The following PLXNA4 variants were observed in gnomAD, a reference collection of about 807,000 sequenced individuals.
PLXNA4 encodes the protein plexin-A4.
In PLXNA4, 44 loss-of-function variants were observed where a neutral mutation model predicts 191.8. The ratio of observed to expected loss-of-function variants is 0.23; its 90% CI spans 0.18 to 0.29. PLXNA4 has a LOEUF of 0.29. Ranked by LOEUF, PLXNA4 falls within the 10% of genes least tolerant of loss-of-function variation. The pLI is 1.00. For synonymous variants in PLXNA4, 1,082 were observed against 1,009.5 expected (o/e 1.07, Z -1.36); for missense variants, 1,800 against 2,488.8 (o/e 0.72, Z 5.89).
chr7:132,132,991 T>C, intron 31 of PLXNA4, 58 bp downstream of exon 31: 1 of 1,578,256 alleles, frequency 6.3e-7, no homozygotes. Context: ...GCATGCAGGG[T>C]TGTCTTCATT....
intron 1 of PLXNA4, among the ~76,000 whole-genome samples, chr7:132,559,926 A>G (rs781017015): frequency 1.4e-4 from 22 of 152,322 alleles, no homozygotes; most frequent in Non-Finnish European, 2.8e-4. Flanking sequence ...CAAAGATATG[A>G]GAAACAGGGG....
intron 4 of PLXNA4, chr7:132,266,347 T>C (rs1352724411): frequency 6.6e-6 from 1 of 152,246 alleles, no homozygotes; most frequent in Non-Finnish European, 1.5e-5. Context: ...TGGTGTCTTT[T>C]GATTAAACAT....
In PLXNA4 at chr7:132,523,785, C is replaced by T. The variant is rs114317832; in HGVS notation, c.-86-15006G>A. Among the ~76,000 whole-genome samples the T allele has an allele frequency of 6.8e-3, 1,027 of 151,632 alleles. 12 individuals carry two copies. The highest frequency in any genetic ancestry group is 0.024 in the African/African-American group (973 of 41,180). ...GCTGGTGATGTGGAAACAAGGGGGG[C>T]GGAAGAGAGGGACTTAGTCACACCT... On this transcript the variant is annotated intron_variant, in intron 1 of 31. Coordinates refer to ENST00000321063, the MANE Select transcript of PLXNA4 (RefSeq NM_020911.2).
chr7:132,470,353 A>C (rs1796888464), intron 3 of PLXNA4, among the ~76,000 whole-genome samples: 1 of 152,184 alleles, frequency 6.6e-6, no homozygotes, highest in South Asian at 2.1e-4. Context: ...TGGGATTGTC[A>C]GTCTTTGTAA....
intron 3 of PLXNA4, among the ~76,000 whole-genome samples, chr7:132,299,858 G>C (rs905273536): frequency 6.6e-6 from 1 of 152,174 alleles, no homozygotes; most frequent in African/African-American, 2.4e-5. Context: ...GGGACTCATG[G>C]TAGAAAGAAG....
chr7:132,641,552 C>G (rs1803743566), intron 2 of PLXNA4, among the ~76,000 whole-genome samples: 1 of 152,110 alleles, frequency 6.6e-6, no homozygotes, highest in African/African-American at 2.4e-5. Flanking sequence ...CAACATGTGA[C>G]TTTAAGGGGG....
intron 4 of PLXNA4, among the ~76,000 whole-genome samples, chr7:132,250,310 C>T (rs1470030559): frequency 6.6e-6 from 1 of 152,204 alleles, no homozygotes; most frequent in African/African-American, 2.4e-5. Context: ...ATACCTAGTA[C>T]TCAGCTCATG....
chr7:132,232,687 C>A (rs1050505841), intron 5 of PLXNA4, among the ~76,000 whole-genome samples: 3 of 152,172 alleles, frequency 2.0e-5, no homozygotes, highest in African/African-American at 7.2e-5. Context: ...TCCCCTAAGC[C>A]TGAACTTTCA....
chr7:132,587,142 G>C (rs532754168), intron 2 of PLXNA4, among the ~76,000 whole-genome samples: 39 of 152,270 alleles, frequency 2.6e-4, no homozygotes, highest in Admixed American at 2.0e-3. Context: ...TGATAAGTTT[G>C]AGCACATTCA....
At chr7:132,414,420 G>A (rs560650629) in intron 3 of PLXNA4, among the ~76,000 whole-genome samples, 121 of 152,184 alleles carry the variant, frequency 8.0e-4, no homozygotes, top group African/African-American at 2.4e-3. Flanking sequence ...AAAGACTTCC[G>A]GAGGGGAAAA....
At chr7:132,223,483 C>T (rs1272564816) in intron 9 of PLXNA4, 44 bp downstream of exon 9, 3 of 1,478,366 alleles carry the variant, frequency 2.0e-6, no homozygotes, top group Admixed American at 1.8e-5. Context: ...GTGTCCCATG[C>T]TCACAACAAG....
intron 3 of PLXNA4, among the ~76,000 whole-genome samples, chr7:132,303,804 C>T (rs1801407260): frequency 6.6e-6 from 1 of 152,150 alleles, no homozygotes; most frequent in African/African-American, 2.4e-5. Context: ...AGGCCTGTCT[C>T]CTGGAGGGCT....
intron 8 of PLXNA4, among the ~76,000 whole-genome samples, chr7:132,224,926 G>A (rs1223461867): frequency 6.6e-6 from 1 of 152,206 alleles, no homozygotes; most frequent in Non-Finnish European, 1.5e-5. Context: ...CAAAACAGGA[G>A]TATGTTAAAA....
At chr7:132,570,436 C>T (rs993169372) in intron 1 of PLXNA4, among the ~76,000 whole-genome samples, 1 of 152,206 alleles carries the variant, frequency 6.6e-6, no homozygotes, top group Admixed American at 6.5e-5. Flanking sequence ...TTCCTCTTGG[C>T]CTCTGGGTCA....
chr7:132,196,406 G>A (rs1257736295), intron 13 of PLXNA4, among the ~76,000 whole-genome samples: 1 of 152,138 alleles, frequency 6.6e-6, no homozygotes, highest in Non-Finnish European at 1.5e-5. Context: ...CCAAGAACCT[G>A]TGTTCTCACT....
intron 1 of PLXNA4, among the ~76,000 whole-genome samples, chr7:132,571,334 A>G (rs867495064): frequency 6.6e-6 from 1 of 152,144 alleles, no homozygotes; most frequent in East Asian, 1.9e-4. Flanking sequence ...ATGGGGACCT[A>G]TCAAAATTCC....
chr7:132,259,203 T>C (rs1372783277), intron 4 of PLXNA4, among the ~76,000 whole-genome samples: 1 of 152,078 alleles, frequency 6.6e-6, no homozygotes, highest in Non-Finnish European at 1.5e-5. Flanking sequence ...ACCCTCCATC[T>C]ACAGAGAGTC....
At chr7:132,477,414 C>T (rs1314406654) in intron 3 of PLXNA4, among the ~76,000 whole-genome samples, 1 of 152,208 alleles carries the variant, frequency 6.6e-6, no homozygotes, top group Non-Finnish European at 1.5e-5. Context: ...ATGAGATCAA[C>T]ATGTCCCAGA....
chr7:132,388,843 T>C (rs944528039), intron 3 of PLXNA4, among the ~76,000 whole-genome samples: 4 of 152,222 alleles, frequency 2.6e-5, no homozygotes, highest in African/African-American at 9.6e-5. Context: ...TAGGAAGCAT[T>C]AGCCTTCATT....
Sources: gnomAD v4.1 joint callset for allele counts (sites outside exome capture counted in the v4.1 genomes callset) on GRCh38, gnomAD v4.1.1 for gene constraint, MANE v1.5 for transcripts, NCBI Gene and HGNC (gene_info 2026-07-23, HGNC 2026-07-21) for gene names.